Variants in ZDHHC15 observed in about 807,000 individuals in gnomAD.
The protein encoded by ZDHHC15 is palmitoyltransferase ZDHHC15.
Under a neutral mutation model 31.7 loss-of-function variants are expected in ZDHHC15, and 19 were observed. That is an observed-to-expected ratio of 0.60 (90% CI 0.42 to 0.88). The LOEUF is 0.88. Ranked by LOEUF, ZDHHC15 falls within the 40% of genes least tolerant of loss-of-function variation. The pLI is 0.00. For synonymous variants in ZDHHC15, 103 were observed against 90.0 expected (o/e 1.14, Z -0.82); for missense variants, 209 against 251.2 (o/e 0.83, Z 1.14).
At chrX:75,423,941 C>T (rs190726894) in intron 8 of ZDHHC15, among the ~76,000 whole-genome samples, 2 of 111,390 alleles carry the variant, frequency 1.8e-5, no homozygotes, top group Admixed American at 1.9e-4. Context: ...GTCCTCACTC[C>T]TCATGTACTG....
At chrX:75,397,174 A>T (rs1158999117) in intron 10 of ZDHHC15, among the ~76,000 whole-genome samples, 2 of 110,269 alleles carry the variant, frequency 1.8e-5, no homozygotes, top group African/African-American at 6.6e-5. Context: ...TAAAAATACA[A>T]AAATTAGTCA....
intron 2 of ZDHHC15, among the ~76,000 whole-genome samples, chrX:75,498,018 C>T (rs2085031825): frequency 9.2e-6 from 1 of 108,487 alleles, no homozygotes; most frequent in African/African-American, 3.4e-5. Flanking sequence ...ACCGCAACCT[C>T]CACCTCCTGG....
rs189645362 is a variant in ZDHHC15, at chrX:75,411,363, C to T, written c.967+5724G>A. 2.0e-3 allele frequency among the ~76,000 whole-genome samples: 217 copies of T among 111,122 alleles called. 1 individual carries two copies. The highest frequency in any genetic ancestry group is 6.7e-3 in the African/African-American group (204 of 30,617). On this transcript the variant is annotated intron_variant, in intron 10 of 11. Coordinates refer to ENST00000373367, the MANE Select transcript of ZDHHC15 (RefSeq NM_144969.3). ...GAGTAGCTGAGACTACAGGTGCCCACCGCCACGCCCGGCTAATTTTTTGTA... is the reference window on the plus strand; with the variant it reads ...GAGTAGCTGAGACTACAGGTGCCCATCGCCACGCCCGGCTAATTTTTTGTA...
In ZDHHC15 at chrX:75,373,066, C is replaced by T. The variant is rs750056005; in HGVS notation, c.*33-121G>A. On this transcript the variant is annotated intron_variant, in intron 11 of 11. Coordinates refer to ENST00000373367, the MANE Select transcript of ZDHHC15 (RefSeq NM_144969.3). ...TACATTTATGAAGAGTATAGATCAG[C>T]ACTGAAAAATGTTAAGTGAAAAAGG... is the stretch of plus-strand genomic sequence containing the variant. 10 of 110,798 alleles carry T rather than the reference C, an allele frequency of 9.0e-5. No individual in the cohort carries two copies. In the East Asian group the frequency reaches 2.8e-3, roughly 32 times the overall value. The allele number at this position is 110,798 out of a possible 1,213,427, so 9.1% of individuals were successfully genotyped here.
intron 9 of ZDHHC15, among the ~76,000 whole-genome samples, chrX:75,418,374 G>T (rs1476368764): frequency 8.9e-6 from 1 of 111,794 alleles, no homozygotes; most frequent in Non-Finnish European, 1.9e-5. Context: ...CCTGTCTAAG[G>T]AGGGGACTGA....
chrX:75,513,826 C>A (rs747935577), intron 1 of ZDHHC15, among the ~76,000 whole-genome samples: 1 of 109,243 alleles, frequency 9.2e-6, no homozygotes, highest in Non-Finnish European at 1.9e-5. Context: ...AGTCAAATTG[C>A]CAAAAAACAA....
chrX:75,392,873 C>T (rs1300342563), intron 10 of ZDHHC15, among the ~76,000 whole-genome samples: 3 of 110,739 alleles, frequency 2.7e-5, no homozygotes, highest in African/African-American at 9.9e-5. Context: ...CTGACGACTA[C>T]CTTCTTCTAC....
intron 10 of ZDHHC15, among the ~76,000 whole-genome samples, chrX:75,401,452 T>G (rs991919689): frequency 9.0e-6 from 1 of 111,142 alleles, no homozygotes; most frequent in Admixed American, 9.5e-5. Flanking sequence ...AGTGGCAAGC[T>G]GAGTTAAAAA....
intron 2 of ZDHHC15, among the ~76,000 whole-genome samples, chrX:75,494,239 C>A (rs949940332): frequency 2.7e-5 from 3 of 111,060 alleles, no homozygotes; most frequent in East Asian, 2.8e-4. Flanking sequence ...ACGTGAAGGA[C>A]CTCTTCAAGG....
chrX:75,445,388 T>G (rs1602637557), intron 4 of ZDHHC15, among the ~76,000 whole-genome samples: 1 of 111,947 alleles, frequency 8.9e-6, no homozygotes, highest in East Asian at 2.8e-4. Flanking sequence ...TAGATGCTCT[T>G]AGTCAACCAT....
chrX:75,475,738 T>C (rs1163527738), intron 3 of ZDHHC15, among the ~76,000 whole-genome samples: 2 of 111,224 alleles, frequency 1.8e-5, no homozygotes, highest in African/African-American at 3.2e-5. Flanking sequence ...AAATGACTTT[T>C]TATTTCTGCA....
At chrX:75,376,768 G>C (rs768230802) in intron 11 of ZDHHC15, among the ~76,000 whole-genome samples, 3 of 111,441 alleles carry the variant, frequency 2.7e-5, no homozygotes, top group Non-Finnish European at 5.7e-5. Flanking sequence ...ATTAAATTTT[G>C]TGTGTTGTAT....
At chrX:75,494,906 T>A (rs943193478) in intron 2 of ZDHHC15, among the ~76,000 whole-genome samples, 25 of 111,755 alleles carry the variant, frequency 2.2e-4, no homozygotes, top group Non-Finnish European at 4.1e-4. Context: ...CCGAAAGCAA[T>A]TGCAACAAAA....
At chrX:75,462,022 T>C (rs945654522) in intron 3 of ZDHHC15, among the ~76,000 whole-genome samples, 6 of 111,637 alleles carry the variant, frequency 5.4e-5, no homozygotes, top group African/African-American at 1.3e-4. Flanking sequence ...TGGTATGCTG[T>C]CTTCAAGAGA....
At chrX:75,467,503 G>T (rs2084425581) in intron 3 of ZDHHC15, among the ~76,000 whole-genome samples, 1 of 112,307 alleles carries the variant, frequency 8.9e-6, no homozygotes, top group Admixed American at 9.5e-5. Context: ...ATGATAGATT[G>T]GGATGTACTT....
intron 3 of ZDHHC15, among the ~76,000 whole-genome samples, chrX:75,461,977 C>A (rs191990541): frequency 8.9e-6 from 1 of 111,790 alleles, no homozygotes; most frequent in East Asian, 2.8e-4. Flanking sequence ...TTAAAAGACA[C>A]AGACTATAAA....
chrX:75,516,223 G>C (rs1039338450), intron 1 of ZDHHC15, among the ~76,000 whole-genome samples: 1 of 111,710 alleles, frequency 9.0e-6, no homozygotes, highest in African/African-American at 3.3e-5. Context: ...TCACAGAATT[G>C]GAAAAGGCTA....
chrX:75,474,018 T>A, intron 3 of ZDHHC15, among the ~76,000 whole-genome samples: 1 of 111,117 alleles, frequency 9.0e-6, no homozygotes, highest in East Asian at 2.8e-4. Flanking sequence ...TCTCAGGAGA[T>A]GTGTATGGTT....
rs1260175761 is a variant in ZDHHC15 at position 75,487,346 on chromosome X, T to C, written c.164-8361A>G. Among the ~76,000 whole-genome samples the C allele has an allele frequency of 3.6e-5, 4 of 112,270 alleles. No individual in the cohort carries two copies. The Admixed American group carries it at 3.8e-4, about 11-fold the overall frequency. On this transcript the variant is annotated intron_variant, in intron 2 of 11. Transcript: ENST00000373367. ...GACTGGGAGACCTGAAGATGGATCA[T>C]ATCACAGGACTGTTTGCAGACATTC...
Sources: allele counts gnomAD v4.1 joint callset (sites outside exome capture counted in the v4.1 genomes callset), GRCh38; gene constraint gnomAD v4.1.1; transcripts MANE v1.5; gene names NCBI Gene and HGNC (gene_info 2026-07-23, HGNC 2026-07-21).